UBE2E2: variants seen among roughly 807,000 people sequenced by gnomAD.
UBE2E2 encodes ubiquitin-conjugating enzyme E2 E2.
In UBE2E2, 6 loss-of-function variants were observed where a neutral mutation model predicts 24.7. The ratio of observed to expected loss-of-function variants is 0.24; its 90% CI spans 0.13 to 0.48. The LOEUF is 0.48. Among genes scored for constraint, UBE2E2 ranks in the 20% least tolerant of loss-of-function variants. The pLI, the probability that UBE2E2 is intolerant of heterozygous loss-of-function variation, is 0.99. For missense variants in UBE2E2, 169 were observed against 245.0 expected (o/e 0.69, Z 2.07); for synonymous variants, 104 against 83.6 (o/e 1.24, Z -1.33).
chr3:23,409,341 C>T (rs900024951), intron 3 of UBE2E2, among the ~76,000 whole-genome samples: 5 of 152,040 alleles, frequency 3.3e-5, no homozygotes, highest in African/African-American at 4.8e-5. Context: ...CCAAAGTCAG[C>T]GTATTTTCAG....
At chr3:23,295,012 A>T (rs1212969924) in intron 3 of UBE2E2, among the ~76,000 whole-genome samples, 3 of 152,072 alleles carry the variant, frequency 2.0e-5, no homozygotes, top group Non-Finnish European at 4.4e-5. Context: ...TGTCTTTTTC[A>T]TTTAAACATG....
chr3:23,304,197 C>T (rs908296064), intron 3 of UBE2E2, among the ~76,000 whole-genome samples: 44 of 152,000 alleles, frequency 2.9e-4, no homozygotes, highest in African/African-American at 7.5e-4. Context: ...AGGTCAAAGA[C>T]GTAAGTGTGG....
chr3:23,274,289 CTCTT>C (rs925574981), intron 3 of UBE2E2, among the ~76,000 whole-genome samples: 23 of 151,672 alleles, frequency 1.5e-4, no homozygotes, highest in Admixed American at 1.4e-3. Context: ...ATTTTTTTCC[CTCTT>C]TCTTTCCCCT....
chr3:23,342,455 C>T (rs551683391), intron 3 of UBE2E2, among the ~76,000 whole-genome samples: 5 of 152,052 alleles, frequency 3.3e-5, no homozygotes, highest in Non-Finnish European at 7.4e-5. Flanking sequence ...CTCTTCCTTC[C>T]GCAGATAAAA....
chr3:23,380,171 T>A (rs1696633049), intron 3 of UBE2E2, among the ~76,000 whole-genome samples: 1 of 151,192 alleles, frequency 6.6e-6, no homozygotes. Context: ...TGCTATACTC[T>A]TGTGGTAGTG....
chr3:23,219,864 T>TGGGTAG (rs1696577739), intron 3 of UBE2E2, among the ~76,000 whole-genome samples: 1 of 152,170 alleles, frequency 6.6e-6, no homozygotes, highest in Admixed American at 6.6e-5. Flanking sequence ...ACTGGTTGTC[T>TGGGTAG]GGGTAGGGGT....
chr3:23,482,543 G>C (rs1176365349), intron 3 of UBE2E2, among the ~76,000 whole-genome samples: 2 of 152,024 alleles, frequency 1.3e-5, no homozygotes, highest in African/African-American at 4.8e-5. Context: ...CGCTGTTCTT[G>C]ACTCCCTTTG....
At position 23,278,581 on chromosome 3, in the gene UBE2E2, C is replaced by T. The variant is rs147659949; in HGVS notation, c.227+61269C>T. Among the ~76,000 whole-genome samples, 357 of 152,180 alleles carry T rather than the reference C, an allele frequency of 2.3e-3. 3 individuals carry two copies. The highest frequency in any genetic ancestry group is 8.2e-3 in the African/African-American group (341 of 41,540). ...ATAATAAACATATCTATTTAACTAT[C>T]ATTGTAGCTTTATTTTAATGTATAA... On this transcript the variant is annotated intron_variant, in intron 3 of 5. Coordinates refer to ENST00000396703, the MANE Select transcript of UBE2E2 (RefSeq NM_152653.4).
intron 3 of UBE2E2, among the ~76,000 whole-genome samples, chr3:23,319,897 C>G (rs1694699507): frequency 6.6e-6 from 1 of 152,080 alleles, no homozygotes; most frequent in Non-Finnish European, 1.5e-5. Context: ...ACAGATGGTT[C>G]TTCTCTGGCA....
At chr3:23,394,949 C>G (rs979406599) in intron 3 of UBE2E2, among the ~76,000 whole-genome samples, 1 of 152,114 alleles carries the variant, frequency 6.6e-6, no homozygotes, top group African/African-American at 2.4e-5. Context: ...TAATTAAGTC[C>G]TCTGTGTGGA....
intron 3 of UBE2E2, among the ~76,000 whole-genome samples, chr3:23,498,162 C>G (rs1699645630): frequency 6.6e-6 from 1 of 152,038 alleles, no homozygotes; most frequent in Non-Finnish European, 1.5e-5. Context: ...ATTCTCAACA[C>G]TAGTATTTGG....
chr3:23,252,795 C>A (rs1211164841), intron 3 of UBE2E2, among the ~76,000 whole-genome samples: 2 of 152,184 alleles, frequency 1.3e-5, no homozygotes, highest in Non-Finnish European at 2.9e-5. Flanking sequence ...CCACACCTGG[C>A]CACCAGATTT....
At chr3:23,527,074 A>T (rs186624992) in intron 4 of UBE2E2, among the ~76,000 whole-genome samples, 158 of 152,346 alleles carry the variant, frequency 1.0e-3, no homozygotes, top group Non-Finnish European at 4.3e-4. Context: ...AGTGTTCAAC[A>T]TTATTAGCAT....
At chr3:23,248,938 A>G (rs1341144187) in intron 3 of UBE2E2, among the ~76,000 whole-genome samples, 2 of 152,184 alleles carry the variant, frequency 1.3e-5, no homozygotes, top group Non-Finnish European at 2.9e-5. Flanking sequence ...TTCAAAGGTA[A>G]TTTTGAGTAT....
chr3:23,317,845 C>A (rs1303656353), intron 3 of UBE2E2, among the ~76,000 whole-genome samples: 1 of 151,934 alleles, frequency 6.6e-6, no homozygotes, highest in African/African-American at 2.4e-5. Context: ...GTCTGCAATT[C>A]AAGACCCTCT....
At chr3:23,351,000 C>T (rs528478408) in intron 3 of UBE2E2, among the ~76,000 whole-genome samples, 2 of 152,262 alleles carry the variant, frequency 1.3e-5, no homozygotes, top group Admixed American at 1.3e-4. Context: ...GGTCGGGTTA[C>T]CCACAAAGGG....
rs1696766350 is a variant in UBE2E2 at position 23,591,697 on chromosome 3, A to G, written c.*1866A>G. 1 of 152,228 alleles carries G rather than the reference A, an allele frequency of 6.6e-6. No individual in the cohort carries two copies. Among genetic ancestry groups the G allele is most frequent in the African/African-American group, 2.4e-5 (1 of 41,460 alleles). The allele number at this position is 152,228 out of a possible 1,614,324, so 9.4% of individuals were successfully genotyped here. ...ATGGGTTGTAGTTTGCCAATCCCTG[A>G]CACAGACCAACATAGACTGGGGGCT... is the stretch of plus-strand genomic sequence containing the variant. On this transcript the variant is annotated 3_prime_UTR_variant, in exon 6 of 6. Coordinates refer to ENST00000396703, the MANE Select transcript of UBE2E2 (RefSeq NM_152653.4).
intron 5 of UBE2E2, among the ~76,000 whole-genome samples, chr3:23,537,141 A>G (rs1315405908): frequency 2.0e-5 from 3 of 152,122 alleles, no homozygotes; most frequent in African/African-American, 7.2e-5. Flanking sequence ...CTTGAAGGGA[A>G]TCATCTGGGC....
chr3:23,518,306 C>T (rs987264371), intron 4 of UBE2E2, among the ~76,000 whole-genome samples: 1 of 152,054 alleles, frequency 6.6e-6, no homozygotes, highest in African/African-American at 2.4e-5. Context: ...GAGAGATTGC[C>T]TGGGATAAAA....
Sources: gnomAD v4.1 joint callset for allele counts (sites outside exome capture counted in the v4.1 genomes callset) on GRCh38, gnomAD v4.1.1 for gene constraint, MANE v1.5 for transcripts, NCBI Gene and HGNC (gene_info 2026-07-23, HGNC 2026-07-21) for gene names.